KAT14: variants seen among roughly 807,000 people sequenced by gnomAD.
KAT14 encodes lysine acetyltransferase 14, also known as cysteine-rich protein 2-binding protein.
Under a neutral mutation model 78.4 loss-of-function variants are expected in KAT14, and 66 were observed. The ratio of observed to expected loss-of-function variants is 0.84; its 90% CI spans 0.69 to 1.03. The LOEUF (loss-of-function observed/expected upper bound fraction) is 1.03, where lower values mean the gene tolerates loss of function less well. KAT14 is among the 50% of genes least tolerant of loss of function. The pLI is 0.00. For synonymous variants in KAT14, 344 were observed against 359.4 expected, an observed-to-expected ratio of 0.96 and a Z score of 0.48; for missense variants, 870 against 972.5, an observed-to-expected ratio of 0.89 and a Z score of 1.40.
At chr20:18,178,465 C>T (rs896783503) in intron 7 of KAT14, among the ~76,000 whole-genome samples, 4 of 152,124 alleles carry the variant, frequency 2.6e-5, no homozygotes, top group African/African-American at 9.7e-5. Flanking sequence ...TTTAATTGGA[C>T]TTAGAGTCCC....
At position 18,142,500 on chromosome 20, in the gene KAT14, G is replaced by A. The variant is rs1276328605; in HGVS notation, c.-161G>A. The A allele has an allele frequency of 3.4e-6, 5 of 1,458,076 alleles. No individual in the cohort carries two copies. The highest frequency in any genetic ancestry group is 2.6e-5 in the Admixed American group (1 of 38,172). The allele number at this position is 1,458,076 out of a possible 1,614,324, so 90.3% of individuals were successfully genotyped here. A position where few individuals can be genotyped will look rare whatever the true frequency, so the allele number is the denominator to read the frequency against. ...AAATAAAGGACAGTGGGTCATATAA[G>A]TTACTGCTTTCAGGGTCCCTTATAT... On this transcript the variant is annotated 5_prime_UTR_variant, in exon 2 of 11. Transcript: ENST00000688188.
In KAT14 at chr20:18,163,805, T is replaced by G. The variant is rs185852588; in HGVS notation, c.1668+860T>G. On this transcript the variant is annotated intron_variant, in intron 7 of 10. Coordinates refer to ENST00000688188, the MANE Select transcript of KAT14 (RefSeq NM_001392073.1). ...TGTGGGCCCTTTCAATTTGAAACTT[T>G]CTTTCCTGAGTATGGAAAAGTCTTG... Among the ~76,000 whole-genome samples the G allele has an allele frequency of 6.5e-3, 989 of 152,300 alleles. 10 individuals carry two copies. Among genetic ancestry groups the G allele is most frequent in the Non-Finnish European group, 7.3e-3 (498 of 68,020 alleles).
chr20:18,149,909 C>T (rs2037973266), intron 3 of KAT14, among the ~76,000 whole-genome samples: 1 of 152,088 alleles, frequency 6.6e-6, no homozygotes, highest in African/African-American at 2.4e-5. Context: ...GAGATCGCAC[C>T]ATCACATTCC....
At chr20:18,155,699 C>T (rs1180112143) in intron 4 of KAT14, among the ~76,000 whole-genome samples, 1 of 152,236 alleles carries the variant, frequency 6.6e-6, no homozygotes, top group Non-Finnish European at 1.5e-5. Context: ...GATACCACCT[C>T]ATGCCTCTTA....
chr20:18,178,007 C>G (rs1198801246), intron 7 of KAT14, among the ~76,000 whole-genome samples: 1 of 151,854 alleles, frequency 6.6e-6, no homozygotes, highest in East Asian at 1.9e-4. Context: ...TTTAGGGAGG[C>G]TGAGGCAGGA....
Position 18,142,939 on chromosome 20 carries a change from C to G in KAT14, c.259+20C>G. The G allele has an allele frequency of 6.2e-7, 1 of 1,608,624 alleles. No individual in the cohort carries two copies. The highest frequency in any genetic ancestry group is 1.3e-5 in the African/African-American group (1 of 74,958). ...CAGCCAGTAAGGAGCTTCTCAATTC[C>G]TTTGATTTGTCAATTCCTGTGTGAA... On this transcript the variant is annotated intron_variant, in intron 2 of 10. Transcript: ENST00000688188.
intron 7 of KAT14, among the ~76,000 whole-genome samples, chr20:18,171,960 A>G (rs962972358): frequency 1.3e-5 from 2 of 152,236 alleles, no homozygotes; most frequent in Non-Finnish European, 2.9e-5. Flanking sequence ...TTGAGGCAAG[A>G]GCCTCTACCA....
chr20:18,143,683 A>G (rs955473640), intron 2 of KAT14, among the ~76,000 whole-genome samples: 4 of 145,386 alleles, frequency 2.8e-5, no homozygotes, highest in African/African-American at 1.0e-4. Flanking sequence ...GCTGGAGTGC[A>G]ATGGCATGAT....
chr20:18,137,729 G>C (rs1360646646), upstream of KAT14: 1 of 431,794 alleles, frequency 2.3e-6, no homozygotes, highest in Non-Finnish European at 4.0e-6. Context: ...TCGCCTGCGG[G>C]GTGTGCAGGA....
chr20:18,184,868 G>T, intron 10 of KAT14, 76 bp downstream of exon 10: 1 of 1,464,256 alleles, frequency 6.8e-7, no homozygotes. Flanking sequence ...ATGAAGCTGA[G>T]CTAGCCCTTC....
intron 7 of KAT14, among the ~76,000 whole-genome samples, chr20:18,166,283 C>T (rs2038638958): frequency 6.6e-6 from 1 of 152,174 alleles, no homozygotes; most frequent in Non-Finnish European, 1.5e-5. Context: ...CGGGACCTCA[C>T]AATCTTAAAC....
At chr20:18,180,652 A>G (rs577059108) in intron 7 of KAT14, among the ~76,000 whole-genome samples, 2 of 152,218 alleles carry the variant, frequency 1.3e-5, no homozygotes, top group African/African-American at 4.8e-5. Context: ...ACAGTTCCAC[A>G]TGGCTGGGTA....
Position 18,162,594 on chromosome 20 carries a change from G to T in KAT14, c.1317G>T (p.Arg439Ser). ...ATTCAAACACATCTTTGCAAACAAG[G>T]GCTAGAGAAAAGAGGAAGCCTCAGC... ...DTDSNTSLQT[R>S]AREKRKPQLE... The change falls in exon 7 of 11, where the codon AGG (arginine) becomes AGT (serine). Residue 439 changes from arginine to serine, a missense_variant. By Grantham distance (110) the Arg-to-Ser change is moderately radical (BLOSUM62 -1). Coordinates refer to ENST00000688188, the MANE Select transcript of KAT14 (RefSeq NM_001392073.1). 1 of 1,614,130 alleles carries T rather than the reference G, an allele frequency of 6.2e-7. No individual in the cohort carries two copies.
chr20:18,142,152 A>G, intron 1 of KAT14, 56 bp from the exon 2 acceptor site: 1 of 1,496,912 alleles, frequency 6.7e-7, no homozygotes, highest in South Asian at 1.3e-5. Context: ...TGAATGGCAC[A>G]AGGATGGGGA....
intron 7 of KAT14, among the ~76,000 whole-genome samples, chr20:18,177,398 C>G (rs964682637): frequency 1.3e-5 from 2 of 152,202 alleles, no homozygotes; most frequent in African/African-American, 4.8e-5. Context: ...CTGCTACTTT[C>G]TGATTGGTCA....
chr20:18,187,226 C>G, intron 10 of KAT14, 60 bp from the exon 11 acceptor site: 1 of 1,526,588 alleles, frequency 6.6e-7, no homozygotes, highest in Non-Finnish European at 8.7e-7. Flanking sequence ...GTTTCTTTAC[C>G]TACTCATTTT....
In KAT14 at chr20:18,154,437, G is replaced by A. The variant is rs1013207358; in HGVS notation, c.500+3495G>A. On this transcript the variant is annotated intron_variant, in intron 4 of 10. Coordinates refer to ENST00000688188, the MANE Select transcript of KAT14 (RefSeq NM_001392073.1). Reference sequence around the variant, plus strand: ...AAGCAATTCTCCGGTCTCAGCCTCCGGAGTAGCTGCTACTGCATTAAGAAC... The same window carrying A: ...AAGCAATTCTCCGGTCTCAGCCTCCAGAGTAGCTGCTACTGCATTAAGAAC... Among the ~76,000 whole-genome samples, 16 of 152,002 alleles carry A rather than the reference G, an allele frequency of 1.1e-4. No homozygotes were observed. The East Asian group carries it at 1.2e-3, about 11-fold the overall frequency.
chr20:18,175,486 G>A (rs1164244901), intron 7 of KAT14, among the ~76,000 whole-genome samples: 2 of 151,952 alleles, frequency 1.3e-5, no homozygotes, highest in East Asian at 1.9e-4. Flanking sequence ...TGCCTCACTC[G>A]TACCCAGCCA....
intron 1 of KAT14, 161 bp downstream of exon 1, chr20:18,138,212 G>T: frequency 7.9e-7 from 1 of 1,265,364 alleles, no homozygotes; most frequent in East Asian, 3.2e-5. Context: ...GCCGGCGGCC[G>T]CTCTGCTGGG....
Sources: gnomAD v4.1 joint callset for allele counts (sites outside exome capture counted in the v4.1 genomes callset) on GRCh38, gnomAD v4.1.1 for gene constraint, MANE v1.5 for transcripts, NCBI Gene and HGNC (gene_info 2026-07-23, HGNC 2026-07-21) for gene names.